H2BC4: variants seen among roughly 807,000 people sequenced by gnomAD.
H2BC4 encodes H2B clustered histone 4, also known as histone H2B type 1-C/E/F/G/I.
H2BC4 carries 10 observed loss-of-function variants against 6.2 expected under a neutral mutation model. That is an observed-to-expected ratio of 1.61 (90% CI 0.99 to 2.73). H2BC4 has a LOEUF of 2.73. Among genes scored for constraint, H2BC4 ranks in the 30% most tolerant of loss-of-function variants. The probability of loss-of-function intolerance (pLI) is 0.00; values close to 1 mark genes in which losing one functional copy is unlikely to be tolerated. For missense variants in H2BC4, 176 were observed against 168.7 expected (o/e 1.04, Z -0.24); for synonymous variants, 146 against 70.7 (o/e 2.07, Z -5.35).
chr6:26,117,027 T>C (rs1763430074), intron 1 of H2BC4, among the ~76,000 whole-genome samples: 1 of 152,150 alleles, frequency 6.6e-6, no homozygotes, highest in Admixed American at 6.5e-5. Flanking sequence ...TCCTTCCAAA[T>C]CTGGAAGATT....
chr6:26,122,365 A>G (rs955024676), downstream of H2BC4, among the ~76,000 whole-genome samples: 2 of 152,232 alleles, frequency 1.3e-5, no homozygotes, highest in African/African-American at 4.8e-5. Flanking sequence ...TTTTTAATGG[A>G]GAAAGCAAAC....
chr6:26,117,000 T>C (rs1373186015), intron 1 of H2BC4, among the ~76,000 whole-genome samples: 1 of 152,214 alleles, frequency 6.6e-6, no homozygotes, highest in Admixed American at 6.5e-5. Flanking sequence ...TGTCTGTCAA[T>C]GTGCTGAATA....
In H2BC4 at chr6:26,123,911, A is replaced by C; in HGVS notation, c.-7T>G. 6.2e-7 allele frequency: 1 copy of C among 1,612,100 alleles called. No homozygotes were observed. On this transcript the variant is annotated 5_prime_UTR_variant, in exon 1 of 1. Transcript: ENST00000396984. ...ACTTGGCTGGCTCAGGCATCTTAAAACACCAGAAATGTGTCGAAAGTAAAG... is the reference window on the plus strand; with the variant it reads ...ACTTGGCTGGCTCAGGCATCTTAAACCACCAGAAATGTGTCGAAAGTAAAG...
chr6:26,119,938 C>G (rs1763477622), downstream of H2BC4, among the ~76,000 whole-genome samples: 1 of 151,836 alleles, frequency 6.6e-6, no homozygotes, highest in African/African-American at 2.4e-5. Flanking sequence ...AAGCTGTTAA[C>G]TAAGACCACT....
chr6:26,114,627 T>G (rs942235057), downstream of H2BC4, among the ~76,000 whole-genome samples: 1 of 152,096 alleles, frequency 6.6e-6, no homozygotes, highest in Non-Finnish European at 1.5e-5. Context: ...CAAAGATTTA[T>G]GTACAAAGAT....
chr6:26,116,635 G>A (rs1763425296), intron 1 of H2BC4, among the ~76,000 whole-genome samples: 1 of 152,006 alleles, frequency 6.6e-6, no homozygotes, highest in African/African-American at 2.4e-5. Flanking sequence ...AGAAGGTGGA[G>A]GTTACAATGA....
At position 26,123,704 on chromosome 6, in the gene H2BC4, A is replaced by G. The variant is rs1273188299; in HGVS notation, c.201T>C (p.Val67=). The change falls in exon 1 of 1, where the codon GTT becomes GTC. Residue 67 remains valine, a synonymous_variant. Transcript: ENST00000396984. ...CCGCGATGCGCTCAAATATGTCGTT[A>G]ACGAAAGAATTCATGATGCCCATGG... is the stretch of plus-strand genomic sequence containing the variant. ...SKAMGIMNSF[V]NDIFERIAGE... 6.2e-7 allele frequency: 1 copy of G among 1,614,258 alleles called. No homozygotes were observed. Among genetic ancestry groups the G allele is most frequent in the Non-Finnish European group, 8.5e-7 (1 of 1,180,046 alleles).
downstream of H2BC4, among the ~76,000 whole-genome samples, chr6:26,114,031 GT>G (rs1763389926): frequency 6.6e-6 from 1 of 152,002 alleles, no homozygotes; most frequent in African/African-American, 2.4e-5. Flanking sequence ...TCATATTGGG[GT>G]TTATGGCTTC....
chr6:26,122,204 G>A (rs971992556), downstream of H2BC4, among the ~76,000 whole-genome samples: 4 of 152,124 alleles, frequency 2.6e-5, no homozygotes, highest in Admixed American at 2.6e-4. Flanking sequence ...TGGCACCAAA[G>A]ACAGGCCTTA....
Position 26,123,695 on chromosome 6 carries a change from T to C in H2BC4, c.210A>G (p.Ile70Met). 1 of 1,614,236 alleles carries C rather than the reference T, an allele frequency of 6.2e-7. No homozygotes were observed. The highest frequency in any genetic ancestry group is 8.5e-7 in the Non-Finnish European group (1 of 1,180,034). The change falls in exon 1 of 1, where the codon ATA becomes ATG. Residue 70 changes from isoleucine (I) to methionine (M), a missense_variant. Ile to Met is a conservative substitution (Grantham distance 10). Coordinates refer to ENST00000396984, the MANE Select transcript of H2BC4 (RefSeq NM_003526.3). Reference protein sequence around the residue: ...MGIMNSFVNDIFERIAGEASR... With the variant: ...MGIMNSFVNDMFERIAGEASR... ...AAGCCTCGCCCGCGATGCGCTCAAATATGTCGTTAACGAAAGAATTCATGA... is the reference window on the plus strand; with the variant it reads ...AAGCCTCGCCCGCGATGCGCTCAAACATGTCGTTAACGAAAGAATTCATGA...
At chr6:26,117,984 G>A (rs980082426) in intron 1 of H2BC4, among the ~76,000 whole-genome samples, 3 of 152,186 alleles carry the variant, frequency 2.0e-5, no homozygotes, top group African/African-American at 7.2e-5. Flanking sequence ...GGCTATCTCT[G>A]TGTAGTATTT....
At position 26,123,802 on chromosome 6, in the gene H2BC4, T is replaced by TG; in HGVS notation, c.102dup (p.Lys35GlnfsTer34). On this transcript the variant is annotated frameshift_variant, in exon 1 of 1. Coordinates refer to ENST00000396984, the MANE Select transcript of H2BC4 (RefSeq NM_003526.3). LOFTEE classifies it high-confidence loss of function. The stretch of plus-strand genomic sequence containing the variant: ...TACACGTACACAGAGTAACTCTCCT[T>TG]GCGGCTGCGCTTGCGCTTCTTGCCA... 2 of 1,614,262 alleles carry TG rather than the reference T, an allele frequency of 1.2e-6. No individual in the cohort carries two copies. The highest frequency in any genetic ancestry group is 1.7e-6 in the Non-Finnish European group (2 of 1,180,040).
intron 1 of H2BC4, among the ~76,000 whole-genome samples, chr6:26,116,496 C>T (rs1420057718): frequency 6.6e-6 from 1 of 152,146 alleles, no homozygotes; most frequent in African/African-American, 2.4e-5. Flanking sequence ...AGTTTGAGAC[C>T]AGCCTGGGCA....
intron 1 of H2BC4, among the ~76,000 whole-genome samples, chr6:26,117,547 A>C (rs1215218397): frequency 6.6e-6 from 1 of 152,146 alleles, no homozygotes; most frequent in Non-Finnish European, 1.5e-5. Flanking sequence ...TTTTACTAGC[A>C]TGATACCACG....
At chr6:26,120,435 C>T (rs935365854), downstream of H2BC4, among the ~76,000 whole-genome samples, 29 of 144,462 alleles carry the variant, frequency 2.0e-4, no homozygotes, top group African/African-American at 7.5e-4. Flanking sequence ...GGCCACAGAG[C>T]AAAATTCTGT....
Position 26,123,745 on chromosome 6 carries a change from C to T in H2BC4, c.160G>A (p.Gly54Ser), listed in dbSNP as rs1326428421. The T allele has an allele frequency of 6.2e-7, 1 of 1,614,142 alleles. No homozygotes were observed. The highest frequency in any genetic ancestry group is 1.3e-5 in the African/African-American group (1 of 74,944). Residue 54 changes from glycine (G) to serine (S), a missense_variant, in exon 1 of 1, where the codon GGC becomes AGC. By Grantham distance (56) the Gly-to-Ser change is moderately conservative (BLOSUM62 0). Coordinates refer to ENST00000396984, the MANE Select transcript of H2BC4 (RefSeq NM_003526.3). ...KVLKQVHPDTGISSKAMGIMN... is the reference protein window; with the variant it reads ...KVLKQVHPDTSISSKAMGIMN... ...ATGCCCATGGCCTTGGAAGAGATGC[C>T]AGTGTCGGGATGGACCTGTTTCAGC...
At chr6:26,114,774 T>C (rs1021670583), downstream of H2BC4, 5 of 151,920 alleles carry the variant, frequency 3.3e-5, no homozygotes, top group Non-Finnish European at 7.4e-5. Flanking sequence ...TATCTAAATA[T>C]ATATCATGAC....
chr6:26,121,844 G>A (rs961904333), downstream of H2BC4, among the ~76,000 whole-genome samples: 1 of 151,678 alleles, frequency 6.6e-6, no homozygotes, highest in Admixed American at 6.6e-5. Context: ...CCTGATGTCC[G>A]GAGTTCGAGA....
At position 26,123,752 on chromosome 6, in the gene H2BC4, G is replaced by A. The variant is rs758487318; in HGVS notation, c.153C>T (p.Pro51=). Reference sequence around the variant, plus strand: ...TGGCCTTGGAAGAGATGCCAGTGTCGGGATGGACCTGTTTCAGCACCTTGT... The same window carrying A: ...TGGCCTTGGAAGAGATGCCAGTGTCAGGATGGACCTGTTTCAGCACCTTGT... ...YVYKVLKQVH[P]DTGISSKAMG... Residue 51 remains proline, a synonymous_variant, in exon 1 of 1, where the codon CCC becomes CCT. Transcript: ENST00000396984. 13 of 1,614,136 alleles carry A rather than the reference G, an allele frequency of 8.1e-6. No homozygotes were observed. In the African/African-American group the frequency reaches 1.2e-4, roughly 15 times the overall value.
Sources: gnomAD v4.1 joint callset for allele counts (sites outside exome capture counted in the v4.1 genomes callset) on GRCh38, gnomAD v4.1.1 for gene constraint, MANE v1.5 for transcripts, NCBI Gene and HGNC (gene_info 2026-07-23, HGNC 2026-07-21) for gene names.